The following SIRPA variants were observed in gnomAD, a reference collection of about 807,000 sequenced individuals.
SIRPA encodes the protein tyrosine-protein phosphatase non-receptor type substrate 1.
In SIRPA, 9 loss-of-function variants were observed where a neutral mutation model predicts 50.3. That is an observed-to-expected ratio of 0.18 (90% CI 0.11 to 0.31). SIRPA has a LOEUF of 0.31. SIRPA is among the 10% of genes least tolerant of loss of function. The pLI, the probability that SIRPA is intolerant of heterozygous loss-of-function variation, is 1.00. For synonymous variants in SIRPA, 265 were observed against 284.1 expected (o/e 0.93, Z 0.68); for missense variants, 474 against 661.6 (o/e 0.72, Z 3.11).
At chr20:1,900,422 G>A (rs1984119396) in intron 1 of SIRPA, among the ~76,000 whole-genome samples, 1 of 152,166 alleles carries the variant, frequency 6.6e-6, no homozygotes, top group African/African-American at 2.4e-5. Flanking sequence ...GTTGGGGGAT[G>A]GACAAGTTGA....
intron 1 of SIRPA, among the ~76,000 whole-genome samples, chr20:1,909,134 C>G (rs1461276911): frequency 6.6e-6 from 1 of 152,232 alleles, no homozygotes; most frequent in Non-Finnish European, 1.5e-5. Context: ...ACTGCAGCCA[C>G]TTTAGAATGT....
chr20:1,929,903 C>G (rs1986201247), intron 6 of SIRPA, among the ~76,000 whole-genome samples: 1 of 152,162 alleles, frequency 6.6e-6, no homozygotes, highest in African/African-American at 2.4e-5. Flanking sequence ...TCCTGGGCCC[C>G]TTGTGGTCCA....
At chr20:1,899,001 T>C (rs1437809569) in intron 1 of SIRPA, among the ~76,000 whole-genome samples, 1 of 151,854 alleles carries the variant, frequency 6.6e-6, no homozygotes, top group African/African-American at 2.4e-5. Context: ...AGTCTAAAAG[T>C]GTTGTACGGA....
rs535005031 is a variant in SIRPA, at chr20:1,909,725, T to C, written c.80-5374T>C. Reference sequence around the variant, plus strand: ...TGAACCCGGGAGGTGGAGGTTGCAGTGAGCCGAGATTGTGCCATTGCACTC... The same window carrying C: ...TGAACCCGGGAGGTGGAGGTTGCAGCGAGCCGAGATTGTGCCATTGCACTC... On this transcript the variant is annotated intron_variant, in intron 1 of 7. Transcript: ENST00000358771. Among the ~76,000 whole-genome samples the C allele has an allele frequency of 1.3e-4, 20 of 152,264 alleles. No individual in the cohort carries two copies. In the South Asian group the frequency reaches 4.1e-3, roughly 32 times the overall value.
rs920835595 is a variant in SIRPA at position 1,924,835 on chromosome 20, C to T, written c.1159C>T (p.Leu387=). 1 of 1,614,064 alleles carries T rather than the reference C, an allele frequency of 6.2e-7. No homozygotes were observed. Among genetic ancestry groups the T allele is most frequent in the African/African-American group, 1.3e-5 (1 of 74,910 alleles). Residue 387 remains leucine, a synonymous_variant, in exon 5 of 8, where the codon CTG becomes TTG. Coordinates refer to ENST00000358771, the MANE Select transcript of SIRPA (RefSeq NM_001040023.2). This position sits in a 1 kb window ranked among gnomAD's most constrained non-coding sequence, Gnocchi z 4.5. ...GGTGTGCACCTTGCTGGTGGCCCTA[C>T]TGATGGCGGCCCTCTACCTCGTCCG... The part of the protein sequence containing the change: ...GVVCTLLVAL[L]MAALYLVRIR...
chr20:1,922,220 T>G, intron 3 of SIRPA, 93 bp from the exon 4 acceptor site: 1 of 1,501,476 alleles, frequency 6.7e-7, no homozygotes, highest in Non-Finnish European at 9.2e-7. Context: ...GTCCTGGTGA[T>G]GACCTCACCG....
At chr20:1,912,523 G>A (rs1052875469) in intron 1 of SIRPA, among the ~76,000 whole-genome samples, 4 of 152,244 alleles carry the variant, frequency 2.6e-5, no homozygotes, top group African/African-American at 9.6e-5. Flanking sequence ...TTAGGCAGGA[G>A]GTTGGAAACA....
intron 2 of SIRPA, among the ~76,000 whole-genome samples, chr20:1,920,861 C>T (rs532733765): frequency 2.0e-5 from 3 of 152,314 alleles, no homozygotes; most frequent in South Asian, 2.1e-4. Context: ...ATTTAATCCT[C>T]GCTGCATCCC....
At chr20:1,900,098 T>A (rs376706912) in intron 1 of SIRPA, among the ~76,000 whole-genome samples, 1 of 137,370 alleles carries the variant, frequency 7.3e-6, no homozygotes, top group African/African-American at 3.2e-5. Context: ...TAGCTTTTTT[T>A]TTTTCTTTTT....
Position 1,934,884 on chromosome 20 carries a change from T to A in SIRPA, c.1266+130T>A, listed in dbSNP as rs1161986957. ...TGGAGGGTGGAGGATCTTACACTCC[T>A]AGCTTTCCCCATGTCCTGTGCATAT... On this transcript the variant is annotated intron_variant, in intron 7 of 7. Transcript: ENST00000358771. This position sits in a 1 kb window ranked among gnomAD's most constrained non-coding sequence, Gnocchi z 4.6. 2.0e-6 allele frequency: 2 copies of A among 982,904 alleles called. No homozygotes were observed. The highest frequency in any genetic ancestry group is 3.2e-5 in the African/African-American group (2 of 62,264). The allele number at this position is 982,904 out of a possible 1,614,324, so 60.9% of individuals were successfully genotyped here.
In SIRPA at chr20:1,927,742, C is replaced by A; in HGVS notation, c.1202-133C>A. The A allele has an allele frequency of 2.5e-6, 2 of 807,592 alleles. No individual in the cohort carries two copies. The highest frequency in any genetic ancestry group is 4.4e-6 in the Non-Finnish European group (2 of 458,054). The allele number at this position is 807,592 out of a possible 1,614,324, so 50.0% of individuals were successfully genotyped here. ...CCCACTGGGTGGGCATGGGGGTCTC[C>A]TGTGGTTCCAAGGATGTGATTACAG... is the stretch of plus-strand genomic sequence containing the variant. On this transcript the variant is annotated intron_variant, in intron 5 of 7. Coordinates refer to ENST00000358771, the MANE Select transcript of SIRPA (RefSeq NM_001040023.2). This position sits in a 1 kb window ranked among gnomAD's most constrained non-coding sequence, Gnocchi z 6.5.
intron 1 of SIRPA, among the ~76,000 whole-genome samples, chr20:1,910,734 A>G (rs1433408784): frequency 6.6e-6 from 1 of 152,230 alleles, no homozygotes; most frequent in African/African-American, 2.4e-5. Context: ...TGTTCATCCA[A>G]TTTAGAGAAG....
rs889988170 is a variant in SIRPA at position 1,928,783 on chromosome 20, A to T, written c.1226+884A>T. On this transcript the variant is annotated intron_variant, in intron 6 of 7. Coordinates refer to ENST00000358771, the MANE Select transcript of SIRPA (RefSeq NM_001040023.2). This position sits in a 1 kb window ranked among gnomAD's most constrained non-coding sequence, Gnocchi z 4.9. ...GGCCAGAGGGAAGGAGAGGAAGAAG[A>T]TAAGGTCAGGAAGACCCAGGTCCTC... 2.6e-5 allele frequency among the ~76,000 whole-genome samples: 4 copies of T among 152,146 alleles called. No homozygotes were observed. The highest frequency in any genetic ancestry group is 9.7e-5 in the African/African-American group (4 of 41,432).
Position 1,928,022 on chromosome 20 carries a change from T to C in SIRPA, c.1226+123T>C, listed in dbSNP as rs1986090731. The C allele has an allele frequency of 1.2e-6, 1 of 857,678 alleles. No individual in the cohort carries two copies. The highest frequency in any genetic ancestry group is 2.0e-6 in the Non-Finnish European group (1 of 496,990). The allele number at this position is 857,678 out of a possible 1,614,324, so 53.1% of individuals were successfully genotyped here. On this transcript the variant is annotated intron_variant, in intron 6 of 7. Transcript: ENST00000358771. The surrounding 1 kb of genome is among the most constrained non-coding windows in gnomAD (Gnocchi z 4.9). ...CAATGTGTTGGTCAACATGTCTCTT[T>C]CTCTCCTTTGTAACCTCCTCACACT...
intron 1 of SIRPA, among the ~76,000 whole-genome samples, chr20:1,902,553 A>G (rs1186542573): frequency 1.3e-5 from 2 of 152,250 alleles, no homozygotes; most frequent in Non-Finnish European, 2.9e-5. Context: ...CAAGACAGAC[A>G]AAAACACCTG....
Position 1,922,569 on chromosome 20 carries a change from G to T in SIRPA, c.1011G>T (p.Gly337=). Reference sequence around the variant, plus strand: ...TCACCTGCCAGGTGGAGCATGACGGGCAGCCAGCGGTCAGCAAAAGCCATG... The same window carrying T: ...TCACCTGCCAGGTGGAGCATGACGGTCAGCCAGCGGTCAGCAAAAGCCATG... ...VKLTCQVEHD[G]QPAVSKSHDL... The change falls in exon 4 of 8, where the codon GGG becomes GGT. Residue 337 remains glycine, a synonymous_variant. Coordinates refer to ENST00000358771, the MANE Select transcript of SIRPA (RefSeq NM_001040023.2). The T allele has an allele frequency of 6.2e-7, 1 of 1,614,198 alleles. No homozygotes were observed. Among genetic ancestry groups the T allele is most frequent in the Non-Finnish European group, 8.5e-7 (1 of 1,180,022 alleles).
At position 1,932,497 on chromosome 20, in the gene SIRPA, A is replaced by G. The variant is rs1986349036; in HGVS notation, c.1227-2218A>G. On this transcript the variant is annotated intron_variant, in intron 6 of 7. Transcript: ENST00000358771. This position sits in a 1 kb window ranked among gnomAD's most constrained non-coding sequence, Gnocchi z 6.0. ...CAGAGGAGGCCAGAGGAGCTGGAGC[A>G]GAGCAGAGGCAGGAGAGGGATGGAG... Among the ~76,000 whole-genome samples, 1 of 152,266 alleles carries G rather than the reference A, an allele frequency of 6.6e-6. No individual in the cohort carries two copies. Among genetic ancestry groups the G allele is most frequent in the South Asian group, 2.1e-4 (1 of 4,836 alleles).
In SIRPA at chr20:1,895,433, C is replaced by G; in HGVS notation, c.-15C>G. 7.2e-7 allele frequency: 1 copy of G among 1,394,152 alleles called. No homozygotes were observed. The highest frequency in any genetic ancestry group is 9.2e-7 in the Non-Finnish European group (1 of 1,081,362). The allele number at this position is 1,394,152 out of a possible 1,614,324, so 86.4% of individuals were successfully genotyped here. ...CTCACGGCCGCTCTCCCTCCTCGCTCCGCAGCCGCGGCCCATGGAGCCCGC... is the reference window on the plus strand; with the variant it reads ...CTCACGGCCGCTCTCCCTCCTCGCTGCGCAGCCGCGGCCCATGGAGCCCGC... On this transcript the variant is annotated 5_prime_UTR_variant, in exon 1 of 8. Coordinates refer to ENST00000358771, the MANE Select transcript of SIRPA (RefSeq NM_001040023.2).
At chr20:1,905,695 T>C (rs1194591704) in intron 1 of SIRPA, among the ~76,000 whole-genome samples, 7 of 152,184 alleles carry the variant, frequency 4.6e-5, no homozygotes, top group Non-Finnish European at 7.4e-5. Context: ...GATGTCAATG[T>C]CCTCTACCTG....
Sources: gnomAD v4.1 joint callset for allele counts (sites outside exome capture counted in the v4.1 genomes callset) on GRCh38, gnomAD v4.1.1 for gene constraint, Gnocchi (gnomAD v3.1) non-coding constraint, MANE v1.5 for transcripts, NCBI Gene and HGNC (gene_info 2026-07-23, HGNC 2026-07-21) for gene names.